Variants in GCLC observed in about 807,000 individuals in gnomAD.
GCLC encodes the protein glutamate--cysteine ligase catalytic subunit.
A neutral mutation model predicts 81.5 loss-of-function variants in GCLC; 30 were observed. That is an observed-to-expected ratio of 0.37 (90% CI 0.28 to 0.50). The LOEUF (loss-of-function observed/expected upper bound fraction) is 0.50. GCLC is among the 20% of genes least tolerant of loss of function. The pLI is 0.96. For missense variants in GCLC, 556 were observed against 777.4 expected (o/e 0.72, Z 3.39); for synonymous variants, 262 against 273.3 (o/e 0.96, Z 0.41).
intron 1 of GCLC, among the ~76,000 whole-genome samples, chr6:53,543,823 A>T (rs1296870550): frequency 1.3e-5 from 2 of 152,212 alleles, no homozygotes; most frequent in East Asian, 3.8e-4. Flanking sequence ...TAGTTGCTGG[A>T]CCTAGGCCAT....
intron 1 of GCLC, among the ~76,000 whole-genome samples, chr6:53,539,592 C>T (rs1210542757): frequency 6.8e-6 from 1 of 147,506 alleles, no homozygotes; most frequent in African/African-American, 2.6e-5. Context: ...ACCTATGGCG[C>T]GTTTTAAGTT....
At chr6:53,540,402 C>G (rs1476992365) in intron 1 of GCLC, among the ~76,000 whole-genome samples, 1 of 150,238 alleles carries the variant, frequency 6.7e-6, no homozygotes, top group African/African-American at 2.5e-5. Context: ...AAGTGAAATA[C>G]ATCGGTCACA....
chr6:53,516,189 G>C lies in GCLC; in HGVS notation c.480C>G (p.Val160=). 5.6e-6 allele frequency: 9 copies of C among 1,613,320 alleles called. No homozygotes were observed. Among genetic ancestry groups the C allele is most frequent in the Non-Finnish European group, 7.6e-6 (9 of 1,179,314 alleles). ...CTCCTCCTTCCACTGGGTTGGGTTT[G>C]ACCTCGGGCAGTGTGAACCCAGGAC... ...LGCPGFTLPE[V]KPNPVEGGAS... Residue 160 remains valine, a synonymous_variant, in exon 4 of 16, where the codon GTC becomes GTG. Coordinates refer to ENST00000650454, the MANE Select transcript of GCLC (RefSeq NM_001498.4).
chr6:53,517,852 G>A (rs1222678748), intron 3 of GCLC, among the ~76,000 whole-genome samples: 6 of 152,104 alleles, frequency 3.9e-5, no homozygotes, highest in Non-Finnish European at 8.8e-5. Flanking sequence ...TTGAAATGAG[G>A]CTAGTTCCTC....
Position 53,508,845 on chromosome 6 carries a change from T to C in GCLC, c.829-134A>G, listed in dbSNP as rs1349509925. 4.3e-5 allele frequency: 31 copies of C among 715,906 alleles called. 2 individuals carry two copies. The Admixed American group carries it at 5.8e-4, about 13-fold the overall frequency. The allele number at this position is 715,906 out of a possible 1,614,324, so 44.3% of individuals were successfully genotyped here. A position where few individuals can be genotyped will look rare whatever the true frequency, so the allele number is the denominator to read the frequency against. On this transcript the variant is annotated intron_variant, in intron 7 of 15. Coordinates refer to ENST00000650454, the MANE Select transcript of GCLC (RefSeq NM_001498.4). The stretch of plus-strand genomic sequence containing the variant: ...TACAGAGCACATGTACCTGTGCCTA[T>C]CTTACAGTGAAATATACCAGGAAGA...
At chr6:53,534,349 A>G (rs903026738) in intron 1 of GCLC, among the ~76,000 whole-genome samples, 5 of 152,272 alleles carry the variant, frequency 3.3e-5, no homozygotes, top group Admixed American at 1.3e-4. Flanking sequence ...CCACAATGAT[A>G]GCCAGCTTTG....
chr6:53,526,097 CACT>C (rs1763076135), intron 1 of GCLC, among the ~76,000 whole-genome samples: 2 of 152,132 alleles, frequency 1.3e-5, no homozygotes, highest in Admixed American at 6.5e-5. Flanking sequence ...GTCATTAATA[CACT>C]ACTATCCCTG....
intron 4 of GCLC, among the ~76,000 whole-genome samples, chr6:53,515,102 G>A (rs1190695658): frequency 6.6e-6 from 1 of 152,188 alleles, no homozygotes; most frequent in Non-Finnish European, 1.5e-5. Context: ...AATTACTTGT[G>A]AGTAAAGGAT....
chr6:53,520,898 G>A lies in GCLC; in HGVS notation c.326C>T (p.Pro109Leu). 6.2e-7 allele frequency: 1 copy of A among 1,613,804 alleles called. No individual in the cohort carries two copies. The highest frequency in any genetic ancestry group is 8.5e-7 in the Non-Finnish European group (1 of 1,179,666). The stretch of plus-strand genomic sequence containing the variant: ...GAACTCGGACATTGTTCCTCCGTAG[G>A]GCTGTCCTGGTGTCCCTTCAATCAT... ...SYMIEGTPGQ[P>L]YGGTMSEFNT... Residue 109 changes from proline to leucine, a missense_variant, in exon 3 of 16, where the codon CCC becomes CTC. Pro to Leu is a moderately conservative substitution (Grantham distance 98). Transcript: ENST00000650454.
At chr6:53,532,961 A>G (rs189448164) in intron 1 of GCLC, among the ~76,000 whole-genome samples, 1 of 152,362 alleles carries the variant, frequency 6.6e-6, no homozygotes, top group Non-Finnish European at 1.5e-5. Context: ...CCTTAGTCAT[A>G]GAAACTCGCT....
chr6:53,518,289 C>T (rs1171471515), intron 3 of GCLC, among the ~76,000 whole-genome samples: 1 of 152,050 alleles, frequency 6.6e-6, no homozygotes, highest in African/African-American at 2.4e-5. Flanking sequence ...CTTGCTTTGT[C>T]ACCCAGGCTG....
chr6:53,499,087 T>C (rs1054046704), intron 15 of GCLC, 120 bp from the exon 16 acceptor site: 11 of 714,202 alleles, frequency 1.5e-5, no homozygotes, highest in Non-Finnish European at 2.8e-5. Flanking sequence ...GTCCTTTTAG[T>C]GTAGCTGCAT....
At position 53,497,465 on chromosome 6, in the gene GCLC, AT is replaced by A. The variant is rs2127617835; in HGVS notation, c.*1290del. 1 of 152,342 alleles carries A rather than the reference AT, an allele frequency of 6.6e-6. No individual in the cohort carries two copies. Among genetic ancestry groups the A allele is most frequent in the South Asian group, 2.1e-4 (1 of 4,830 alleles). The allele number at this position is 152,342 out of a possible 1,614,324, so 9.4% of individuals were successfully genotyped here. On this transcript the variant is annotated 3_prime_UTR_variant, in exon 16 of 16. Transcript: ENST00000650454. ...AACGAAAACCAGGCATTCTTTAATC[AT>A]CCAAAATGCATGTATAAAATATAGA...
chr6:53,532,516 T>C (rs981608076), intron 1 of GCLC, among the ~76,000 whole-genome samples: 2 of 152,234 alleles, frequency 1.3e-5, no homozygotes, highest in East Asian at 3.8e-4. Flanking sequence ...GCCAGGGTAC[T>C]ACCCTGCTTA....
chr6:53,544,460 G>A (rs759461962), intron 1 of GCLC, 36 bp downstream of exon 1: 3 of 1,599,274 alleles, frequency 1.9e-6, no homozygotes, highest in African/African-American at 1.3e-5. Context: ...GGCCAGACAC[G>A]GGTGCCCGGC....
chr6:53,511,379 A>T (rs1239181889), intron 6 of GCLC, among the ~76,000 whole-genome samples: 1 of 152,154 alleles, frequency 6.6e-6, no homozygotes, highest in Non-Finnish European at 1.5e-5. Flanking sequence ...TGCATCTCTT[A>T]GATTTTTTAG....
rs1482840747 is a variant in GCLC at position 53,506,818 on chromosome 6, A to C, written c.1197+95T>G. 2 of 737,406 alleles carry C rather than the reference A, an allele frequency of 2.7e-6. No homozygotes were observed. Among genetic ancestry groups the C allele is most frequent in the Non-Finnish European group, 4.9e-6 (2 of 406,318 alleles). The allele number at this position is 737,406 out of a possible 1,614,324, so 45.7% of individuals were successfully genotyped here. A position where few individuals can be genotyped will look rare whatever the true frequency, so the allele number is the denominator to read the frequency against. On this transcript the variant is annotated intron_variant, in intron 10 of 15. Transcript: ENST00000650454. The surrounding 1 kb of genome is among the most constrained non-coding windows in gnomAD (Gnocchi z 4.0). Reference sequence around the variant, plus strand: ...CACAGGTACAGAAAACTGCCTCCCCATGTTGGTTTGTGAAGTGAAATGCAT... The same window carrying C: ...CACAGGTACAGAAAACTGCCTCCCCCTGTTGGTTTGTGAAGTGAAATGCAT...
intron 11 of GCLC, 41 bp downstream of exon 11, chr6:53,505,760 AAG>A (rs764813546): frequency 8.9e-7 from 1 of 1,124,796 alleles, no homozygotes; most frequent in Admixed American, 1.7e-5. Context: ...CAGCTGGCGA[AAG>A]AGTACTTTTG....
chr6:53,539,657 C>G (rs1238049893), intron 1 of GCLC, among the ~76,000 whole-genome samples: 11 of 151,912 alleles, frequency 7.2e-5, no homozygotes, highest in Non-Finnish European at 1.6e-4. Context: ...CAACAGTAAG[C>G]AAAAAAAGCA....
Sources: allele counts gnomAD v4.1 joint callset (sites outside exome capture counted in the v4.1 genomes callset), GRCh38; gene constraint gnomAD v4.1.1; non-coding constraint Gnocchi (gnomAD v3.1); transcripts MANE v1.5; gene names NCBI Gene and HGNC (gene_info 2026-07-23, HGNC 2026-07-21).